ASXL3: variants seen among roughly 807,000 people sequenced by gnomAD.
ASXL3 encodes the protein putative Polycomb group protein ASXL3.
In ASXL3, 34 loss-of-function variants were observed where a neutral mutation model predicts 170.6. The observed-to-expected ratio is 0.20, with a 90% CI of 0.15 to 0.27. The LOEUF is 0.27. Among genes scored for constraint, ASXL3 ranks in the 10% least tolerant of loss-of-function variants. The pLI is 1.00. For synonymous variants in ASXL3, 1,002 were observed against 989.1 expected (o/e 1.01, Z -0.24); for missense variants, 2,592 against 2,695.3 (o/e 0.96, Z 0.85).
intron 2 of ASXL3, among the ~76,000 whole-genome samples, chr18:33,623,456 T>C (rs1333889471): frequency 1.3e-5 from 2 of 152,168 alleles, no homozygotes; most frequent in Non-Finnish European, 2.9e-5. Flanking sequence ...CTATTTTTCT[T>C]GTCTTTCCAG....
Position 33,676,334 on chromosome 18 carries a change from T to C in ASXL3, c.715+4468T>C, listed in dbSNP as rs764162735. On this transcript the variant is annotated intron_variant, in intron 7 of 11. Coordinates refer to ENST00000269197, the MANE Select transcript of ASXL3 (RefSeq NM_030632.3). ...GCTTGGGAAGCTACGACTGTTGATG[T>C]AGGGTTTTTCTTTTGTTCTGTTTGT... Among the ~76,000 whole-genome samples the C allele has an allele frequency of 6.4e-4, 97 of 151,842 alleles. 1 individual carries two copies. The highest frequency in any genetic ancestry group is 4.9e-3 in the Admixed American group (74 of 15,224).
intron 2 of ASXL3, among the ~76,000 whole-genome samples, chr18:33,617,033 TATAAC>T (rs1437654641): frequency 6.6e-6 from 1 of 152,200 alleles, no homozygotes; most frequent in East Asian, 1.9e-4. Context: ...GAATTCATAG[TATAAC>T]ATAAGAATAT....
chr18:33,693,548 A>G (rs909677780), intron 8 of ASXL3, among the ~76,000 whole-genome samples: 2 of 152,162 alleles, frequency 1.3e-5, no homozygotes, highest in Non-Finnish European at 2.9e-5. Context: ...GTGTCTGCTA[A>G]GAGACTAGAG....
At chr18:33,683,883 A>C (rs2066551844) in intron 8 of ASXL3, among the ~76,000 whole-genome samples, 1 of 152,188 alleles carries the variant, frequency 6.6e-6, no homozygotes. Flanking sequence ...TCCTTTGCCC[A>C]GAGGGAATAC....
At chr18:33,602,092 A>G (rs2065189500) in intron 1 of ASXL3, among the ~76,000 whole-genome samples, 1 of 151,872 alleles carries the variant, frequency 6.6e-6, no homozygotes, top group Non-Finnish European at 1.5e-5. Context: ...ATGAGCCACC[A>G]CGTCTGGGCT....
intron 5 of ASXL3, among the ~76,000 whole-genome samples, chr18:33,667,818 A>G (rs2066282641): frequency 6.6e-6 from 1 of 152,258 alleles, no homozygotes; most frequent in African/African-American, 2.4e-5. Context: ...TAAAATGTGG[A>G]ATAATTAAAA....
intron 8 of ASXL3, among the ~76,000 whole-genome samples, chr18:33,713,248 G>GTTTTTT (rs1226619353): frequency 5.1e-4 from 33 of 65,086 alleles, no homozygotes; most frequent in Non-Finnish European, 8.1e-4. Context: ...GTTTTGTTTT[G>GTTTTTT]TTTTTTTTTT....
At chr18:33,719,629 A>G (rs563632183) in intron 8 of ASXL3, among the ~76,000 whole-genome samples, 3 of 152,156 alleles carry the variant, frequency 2.0e-5, no homozygotes, top group Admixed American at 6.6e-5. Context: ...TTGAAATCCT[A>G]ACTCCCATAG....
intron 4 of ASXL3, among the ~76,000 whole-genome samples, chr18:33,660,538 A>G (rs2066155849): frequency 6.6e-6 from 1 of 152,114 alleles, no homozygotes; most frequent in African/African-American, 2.4e-5. Context: ...TCACTTGGAA[A>G]GTTTTCTTGA....
intron 4 of ASXL3, among the ~76,000 whole-genome samples, chr18:33,659,645 T>C (rs761769197): frequency 1.3e-5 from 2 of 152,210 alleles, no homozygotes; most frequent in South Asian, 4.1e-4. Flanking sequence ...CTGATTATTA[T>C]TTCTAATATT....
chr18:33,674,804 G>A (rs926395149), intron 7 of ASXL3, among the ~76,000 whole-genome samples: 5 of 152,008 alleles, frequency 3.3e-5, no homozygotes, highest in East Asian at 2.0e-4. Flanking sequence ...ATTTTTAGTA[G>A]AGACGGGGTT....
At chr18:33,682,276 A>G (rs963514345) in intron 7 of ASXL3, among the ~76,000 whole-genome samples, 2 of 152,236 alleles carry the variant, frequency 1.3e-5, no homozygotes, top group African/African-American at 4.8e-5. Flanking sequence ...GATATAAATC[A>G]TGAGCCATAA....
chr18:33,654,042 C>T (rs958653291), intron 4 of ASXL3, among the ~76,000 whole-genome samples: 6 of 151,914 alleles, frequency 3.9e-5, no homozygotes, highest in Non-Finnish European at 7.4e-5. Context: ...TCATTCCTGT[C>T]TAGATGGATT....
At chr18:33,619,502 CA>C in intron 2 of ASXL3, among the ~76,000 whole-genome samples, 1 of 151,326 alleles carries the variant, frequency 6.6e-6, no homozygotes, top group South Asian at 2.1e-4. Flanking sequence ...TGCAAAACCT[CA>C]CACCGTTTTG....
intron 2 of ASXL3, among the ~76,000 whole-genome samples, chr18:33,619,474 C>G (rs1222325796): frequency 1.3e-5 from 2 of 151,668 alleles, no homozygotes; most frequent in Non-Finnish European, 2.9e-5. Context: ...TTTCCACAAC[C>G]CACTTACATT....
In ASXL3 at chr18:33,739,035, T is replaced by C; in HGVS notation, c.1631T>C (p.Ile544Thr). 1.2e-6 allele frequency: 2 copies of C among 1,613,512 alleles called. No homozygotes were observed. Among genetic ancestry groups the C allele is most frequent in the Non-Finnish European group, 8.5e-7 (1 of 1,179,684 alleles). Residue 544 changes from isoleucine to threonine, a missense_variant, in exon 11 of 12, where the codon ATT becomes ACT. By Grantham distance (89) the Ile-to-Thr change is moderately conservative. Transcript: ENST00000269197. ...IDQLEVCDSLIPSTSSMTHVS... is the reference protein window; with the variant it reads ...IDQLEVCDSLTPSTSSMTHVS... ...CAGTTAGAAGTCTGTGACTCTCTTA[T>C]TCCTTCCACTTCATCTATGACTCAT... is the stretch of plus-strand genomic sequence containing the variant.
chr18:33,594,694 C>G (rs2065109647), intron 1 of ASXL3, among the ~76,000 whole-genome samples: 1 of 152,046 alleles, frequency 6.6e-6, no homozygotes, highest in Admixed American at 6.6e-5. Flanking sequence ...GGTAGTACAT[C>G]AAGAAGCATG....
In ASXL3 at chr18:33,637,874, T is replaced by C. The variant is rs569820921; in HGVS notation, c.138-7020T>C. On this transcript the variant is annotated intron_variant, in intron 2 of 11. Transcript: ENST00000269197. ...GTTTGCAGCATGCCTCAAGGCTGCC[T>C]TTCTGCTGAGTCCCCTGTCATTTCA... 5.3e-5 allele frequency among the ~76,000 whole-genome samples: 8 copies of C among 152,274 alleles called. No individual in the cohort carries two copies. The South Asian group carries it at 1.7e-3, about 32-fold the overall frequency.
At chr18:33,722,995 A>G (rs528115455) in intron 8 of ASXL3, among the ~76,000 whole-genome samples, 2 of 152,308 alleles carry the variant, frequency 1.3e-5, no homozygotes, top group African/African-American at 2.4e-5. Flanking sequence ...TGTTTACAAC[A>G]TGGCTTACTG....
Sources: allele counts gnomAD v4.1 joint callset (sites outside exome capture counted in the v4.1 genomes callset), GRCh38; gene constraint gnomAD v4.1.1; transcripts MANE v1.5; gene names NCBI Gene and HGNC (gene_info 2026-07-23, HGNC 2026-07-21).